Variants in RALYL observed in about 807,000 individuals in gnomAD.
RALYL encodes the protein RNA-binding Raly-like protein.
In RALYL, 29 loss-of-function variants were observed where a neutral mutation model predicts 35.1. The ratio of observed to expected loss-of-function variants is 0.83; its 90% CI spans 0.61 to 1.13. RALYL has a LOEUF of 1.13. Ranked by LOEUF, RALYL falls within the 50% of genes most tolerant of loss-of-function variation. RALYL has a pLI of 0.00. For missense variants in RALYL, 359 were observed against 360.4 expected (o/e 1.00, Z 0.03); for synonymous variants, 120 against 127.6 (o/e 0.94, Z 0.40).
chr8:84,212,950 G>A (rs770608971), intron 1 of RALYL, among the ~76,000 whole-genome samples: 2 of 152,134 alleles, frequency 1.3e-5, no homozygotes, highest in African/African-American at 2.4e-5. Flanking sequence ...TTACATAAAT[G>A]TACCAAACAA....
intron 2 of RALYL, among the ~76,000 whole-genome samples, chr8:84,585,535 A>C (rs1033578836): frequency 2.0e-4 from 31 of 152,180 alleles, no homozygotes; most frequent in African/African-American, 7.5e-4. Context: ...TATAATATGT[A>C]TACATATTCA....
intron 2 of RALYL, among the ~76,000 whole-genome samples, chr8:84,758,680 A>C (rs755804327): frequency 5.3e-5 from 8 of 152,194 alleles, no homozygotes; most frequent in Non-Finnish European, 4.4e-5. Flanking sequence ...AAGGGTAAAC[A>C]CAAGTGCACC....
chr8:84,432,523 G>A (rs1371232135), intron 1 of RALYL, among the ~76,000 whole-genome samples: 1 of 150,776 alleles, frequency 6.6e-6, no homozygotes, highest in Non-Finnish European at 1.5e-5. Flanking sequence ...CATGTTAAAT[G>A]TTCTCACCAC....
intron 1 of RALYL, among the ~76,000 whole-genome samples, chr8:84,372,788 G>A (rs904575120): frequency 6.7e-6 from 1 of 149,850 alleles, no homozygotes; most frequent in South Asian, 2.1e-4. Context: ...AGGTCTTTGA[G>A]GAATCACCAC....
At chr8:84,546,819 T>G (rs2060387656) in intron 2 of RALYL, among the ~76,000 whole-genome samples, 1 of 152,220 alleles carries the variant, frequency 6.6e-6, no homozygotes. Context: ...GGCTCTTGAA[T>G]GACTTTATTT....
chr8:84,312,347 C>T (rs932220558), intron 1 of RALYL, among the ~76,000 whole-genome samples: 1 of 152,128 alleles, frequency 6.6e-6, no homozygotes, highest in Non-Finnish European at 1.5e-5. Context: ...TCTCAAATCT[C>T]ATGTTCTTTT....
intron 1 of RALYL, among the ~76,000 whole-genome samples, chr8:84,509,066 C>T (rs543917659): frequency 3.5e-4 from 53 of 152,144 alleles, no homozygotes; most frequent in Middle Eastern, 3.4e-3. Context: ...TGACTACATA[C>T]ATATTATATC....
chr8:84,245,750 T>C (rs1828957111), intron 1 of RALYL, among the ~76,000 whole-genome samples: 1 of 152,098 alleles, frequency 6.6e-6, no homozygotes, highest in Non-Finnish European at 1.5e-5. Context: ...CATGTTTAAA[T>C]AATCTGAAGG....
intron 4 of RALYL, among the ~76,000 whole-genome samples, chr8:84,844,844 C>A (rs958194845): frequency 3.3e-5 from 5 of 152,174 alleles, no homozygotes; most frequent in African/African-American, 4.8e-5. Context: ...TGGAAACCAT[C>A]ATTCCCAGCA....
At chr8:84,554,294 G>A (rs921738924) in intron 2 of RALYL, among the ~76,000 whole-genome samples, 2 of 152,032 alleles carry the variant, frequency 1.3e-5, no homozygotes, top group Admixed American at 1.3e-4. Context: ...AACAATTTAC[G>A]GTAGTTCATT....
intron 1 of RALYL, among the ~76,000 whole-genome samples, chr8:84,248,316 T>A (rs148739369): frequency 1.3e-5 from 2 of 152,190 alleles, no homozygotes; most frequent in African/African-American, 4.8e-5. Flanking sequence ...TAAAGATTAG[T>A]CAGTAGTAGT....
At chr8:84,645,793 T>A (rs1215148064) in intron 2 of RALYL, among the ~76,000 whole-genome samples, 2 of 152,114 alleles carry the variant, frequency 1.3e-5, no homozygotes, top group African/African-American at 4.8e-5. Flanking sequence ...ATGTCAGAAT[T>A]TCTAAATTTC....
chr8:84,473,320 G>A (rs1471074247), intron 1 of RALYL, among the ~76,000 whole-genome samples: 3 of 150,712 alleles, frequency 2.0e-5, no homozygotes, highest in East Asian at 3.9e-4. Context: ...AAAAATATTA[G>A]TTTTTAAATT....
At chr8:84,437,245 A>G (rs1227335156) in intron 1 of RALYL, among the ~76,000 whole-genome samples, 1 of 152,102 alleles carries the variant, frequency 6.6e-6, no homozygotes, top group Non-Finnish European at 1.5e-5. Flanking sequence ...TATATGTACA[A>G]TATTTTCTTC....
intron 2 of RALYL, among the ~76,000 whole-genome samples, chr8:84,654,233 AACC>A (rs1225825434): frequency 1.5e-5 from 2 of 136,762 alleles, no homozygotes; most frequent in African/African-American, 5.2e-5. Context: ...AAACAAAACA[AACC>A]ACCACCACCA....
intron 1 of RALYL, among the ~76,000 whole-genome samples, chr8:84,408,689 C>T (rs550375777): frequency 7.2e-5 from 11 of 152,174 alleles, no homozygotes; most frequent in Middle Eastern, 3.4e-3. Flanking sequence ...CAACCATGGA[C>T]GCTTGTTCAT....
At chr8:84,504,368 T>C (rs1176595982) in intron 1 of RALYL, among the ~76,000 whole-genome samples, 1 of 152,158 alleles carries the variant, frequency 6.6e-6, no homozygotes, top group Admixed American at 6.5e-5. Context: ...GTAATTTTCG[T>C]GGAACTGTGA....
chr8:84,654,847 C>A (rs1400106384), intron 2 of RALYL, among the ~76,000 whole-genome samples: 1 of 152,038 alleles, frequency 6.6e-6, no homozygotes, highest in Admixed American at 6.6e-5. Flanking sequence ...GGCTCTTCAG[C>A]TGCTTCCAAA....
chr8:84,627,525 A>C (rs1029678236), intron 2 of RALYL, among the ~76,000 whole-genome samples: 11 of 150,050 alleles, frequency 7.3e-5, no homozygotes, highest in Admixed American at 6.7e-5. Flanking sequence ...TAATACATAC[A>C]GCATTTCTTT....
Sources: allele counts gnomAD v4.1 joint callset (sites outside exome capture counted in the v4.1 genomes callset), GRCh38; gene constraint gnomAD v4.1.1; transcripts MANE v1.5; gene names NCBI Gene and HGNC (gene_info 2026-07-23, HGNC 2026-07-21).